Variants in SARS1 observed in about 807,000 individuals in gnomAD.
The protein encoded by SARS1 is seryl-tRNA synthetase 1, also known as serine--tRNA ligase, cytoplasmic.
SARS1 carries 25 observed loss-of-function variants against 63.7 expected under a neutral mutation model. The observed-to-expected ratio is 0.39, with a 90% CI of 0.29 to 0.55. SARS1 has a LOEUF of 0.55. Among genes scored for constraint, SARS1 ranks in the 20% least tolerant of loss-of-function variants. The probability of loss-of-function intolerance (pLI) is 0.62; values close to 1 mark genes in which losing one functional copy is unlikely to be tolerated. For missense variants in SARS1, 417 were observed against 649.7 expected, an observed-to-expected ratio of 0.64 and a Z score of 3.89; for synonymous variants, 231 against 243.5, an observed-to-expected ratio of 0.95 and a Z score of 0.48.
At chr1:109,228,610 C>T (rs1390790283) in intron 3 of SARS1, among the ~76,000 whole-genome samples, 178 bp downstream of exon 3, 1 of 152,066 alleles carries the variant, frequency 6.6e-6, no homozygotes, top group African/African-American at 2.4e-5. Flanking sequence ...TATTAGACAG[C>T]AGAGATGGAG....
In SARS1 at chr1:109,237,723, C is replaced by T. The variant is rs1301711598; in HGVS notation, c.1388-8C>T. 6.2e-7 allele frequency: 1 copy of T among 1,613,370 alleles called. No individual in the cohort carries two copies. The highest frequency in any genetic ancestry group is 8.5e-7 in the Non-Finnish European group (1 of 1,179,694). ...CAACAGGTCATTTGGTTGGCTCTTC[C>T]CTCCCAGGACTGCAAGAACTGATCC... On this transcript the variant is annotated splice_region_variant and splice_polypyrimidine_tract_variant and intron_variant, in intron 10 of 10. Transcript: ENST00000234677. This position sits in a 1 kb window ranked among gnomAD's most constrained non-coding sequence, Gnocchi z 4.1.
chr1:109,214,137 C>T lies in SARS1; in HGVS notation c.136+9C>T, dbSNP rs751475506. On this transcript the variant is annotated intron_variant, in intron 1 of 10. Coordinates refer to ENST00000234677, the MANE Select transcript of SARS1 (RefSeq NM_006513.4). The surrounding 1 kb of genome is among the most constrained non-coding windows in gnomAD (Gnocchi z 4.6). Reference sequence around the variant, plus strand: ...CAGCGAGTGGCGACGATGTAAGTACCGGGACGGGCGGGTTACCTCCTTGAT... The same window carrying T: ...CAGCGAGTGGCGACGATGTAAGTACTGGGACGGGCGGGTTACCTCCTTGAT... 2.5e-6 allele frequency: 4 copies of T among 1,612,602 alleles called. No homozygotes were observed. Among genetic ancestry groups the T allele is most frequent in the African/African-American group, 2.7e-5 (2 of 74,832 alleles).
chr1:109,215,333 TTG>T, intron 1 of SARS1: 1 of 985,452 alleles, frequency 1.0e-6, no homozygotes, highest in Non-Finnish European at 1.2e-6. Flanking sequence ...TATCAGATTT[TTG>T]TGTCAGTCCA....
chr1:109,221,994 ATATATATATATATATATTTTTTTTTTTTT>A (rs1654945251), intron 1 of SARS1, among the ~76,000 whole-genome samples: 9 of 23,520 alleles, frequency 3.8e-4, no homozygotes, highest in South Asian at 2.6e-3. Context: ...ATATATATAT[ATATATATATATATATATTTTTTTTTTTTT>A]TTTTTTTTTT....
upstream of SARS1, chr1:109,213,902 G>A (rs935181688): frequency 1.9e-5 from 28 of 1,455,574 alleles, no homozygotes; most frequent in Non-Finnish European, 2.5e-5. Flanking sequence ...CAGGAAGGGC[G>A]GGTCAGCGCG....
chr1:109,236,209 T>C, intron 8 of SARS1, 103 bp downstream of exon 8: 1 of 1,391,624 alleles, frequency 7.2e-7, no homozygotes, highest in East Asian at 2.3e-5. Context: ...ATTCAACTCA[T>C]TGCCCACATT....
At chr1:109,231,518 C>A in intron 5 of SARS1, 113 bp from the exon 6 acceptor site, 1 of 861,560 alleles carries the variant, frequency 1.2e-6, no homozygotes, top group Non-Finnish European at 1.6e-6. Context: ...TGGCCTCCTG[C>A]TTGCCCCTCG....
At position 109,214,435 on chromosome 1, in the gene SARS1, C is replaced by A. The variant is rs1331939655; in HGVS notation, c.136+307C>A. The stretch of plus-strand genomic sequence containing the variant: ...TGCCCCAGGGGTTGCCAGAACATGC[C>A]GGGGCGGGAGGTTGTGGGGTCTACG... On this transcript the variant is annotated intron_variant, in intron 1 of 10. Coordinates refer to ENST00000234677, the MANE Select transcript of SARS1 (RefSeq NM_006513.4). The surrounding 1 kb of genome is among the most constrained non-coding windows in gnomAD (Gnocchi z 4.6). The A allele has an allele frequency of 2.5e-6, 2 of 797,810 alleles. No individual in the cohort carries two copies. The highest frequency in any genetic ancestry group is 3.3e-6 in the Non-Finnish European group (2 of 610,578). The allele number at this position is 797,810 out of a possible 1,614,324, so 49.4% of individuals were successfully genotyped here. A position where few individuals can be genotyped will look rare whatever the true frequency, so the allele number is the denominator to read the frequency against.
Position 109,214,489 on chromosome 1 carries a change from C to A in SARS1, c.136+361C>A. The A allele has an allele frequency of 1.0e-6, 1 of 1,004,648 alleles. No homozygotes were observed. Among genetic ancestry groups the A allele is most frequent in the Non-Finnish European group, 1.2e-6 (1 of 830,452 alleles). The allele number at this position is 1,004,648 out of a possible 1,614,324, so 62.2% of individuals were successfully genotyped here. A position where few individuals can be genotyped will look rare whatever the true frequency, so the allele number is the denominator to read the frequency against. On this transcript the variant is annotated intron_variant, in intron 1 of 10. Transcript: ENST00000234677. This position sits in a 1 kb window ranked among gnomAD's most constrained non-coding sequence, Gnocchi z 4.6. The stretch of plus-strand genomic sequence containing the variant: ...CTTTCCTAACACGAATCTTTGGTCC[C>A]CCCCAGTCTTTTTCTCATCTTCAGC...
At chr1:109,215,553 T>C in intron 1 of SARS1, 1 of 985,404 alleles carries the variant, frequency 1.0e-6, no homozygotes, top group Non-Finnish European at 1.2e-6. Context: ...CTGTACCTGG[T>C]CCTTGGTAAG....
rs151293865 is a variant in SARS1 at position 109,232,758 on chromosome 1, C to T, written c.747+972C>T. 4.4e-3 allele frequency among the ~76,000 whole-genome samples: 677 copies of T among 152,250 alleles called. 1 individual carries two copies. Among genetic ancestry groups the T allele is most frequent in the Non-Finnish European group, 7.8e-3 (533 of 68,002 alleles). ...CTCGCTAAAACCTGTTTTACCTTTT[C>T]TTTCTTTTTCTAATTTCAACCCCTA... On this transcript the variant is annotated intron_variant, in intron 6 of 10. Transcript: ENST00000234677.
At chr1:109,222,249 T>C (rs1451990336) in intron 1 of SARS1, among the ~76,000 whole-genome samples, 3 of 151,818 alleles carry the variant, frequency 2.0e-5, no homozygotes, top group Non-Finnish European at 1.5e-5. Context: ...TACAGGAAGT[T>C]GGAAAAATAG....
At chr1:109,236,614 A>C in intron 9 of SARS1, 66 bp downstream of exon 9, 1 of 1,565,914 alleles carries the variant, frequency 6.4e-7, no homozygotes, top group Non-Finnish European at 8.7e-7. Context: ...ATTATTTCTC[A>C]GCCTTTGGGG....
In SARS1 at chr1:109,214,197, C is replaced by T; in HGVS notation, c.136+69C>T. On this transcript the variant is annotated intron_variant, in intron 1 of 10. Coordinates refer to ENST00000234677, the MANE Select transcript of SARS1 (RefSeq NM_006513.4). The surrounding 1 kb of genome is among the most constrained non-coding windows in gnomAD (Gnocchi z 4.6). ...AATTTTCTCTCTCAAATCCAGCCAC[C>T]GCTCCTGAGGCCACAGCTTCCACCC... 3.9e-6 allele frequency: 6 copies of T among 1,543,970 alleles called. No homozygotes were observed. The highest frequency in any genetic ancestry group is 5.3e-6 in the Non-Finnish European group (6 of 1,137,914).
chr1:109,215,033 C>T, intron 1 of SARS1: 1 of 985,380 alleles, frequency 1.0e-6, no homozygotes, highest in Non-Finnish European at 1.2e-6. Flanking sequence ...GGAGCTAGGT[C>T]GATGACAGTA....
intron 1 of SARS1, among the ~76,000 whole-genome samples, chr1:109,221,018 A>G (rs1654913867): frequency 6.6e-6 from 1 of 151,770 alleles, no homozygotes; most frequent in Admixed American, 6.6e-5. Flanking sequence ...ATCTGATAGT[A>G]GATACTTACA....
chr1:109,226,679 T>TAA (rs1655088462), intron 2 of SARS1, among the ~76,000 whole-genome samples: 1 of 60,824 alleles, frequency 1.6e-5, no homozygotes, highest in African/African-American at 6.0e-5. Context: ...AAAAAAAAAA[T>TAA]ATATATATAT....
At position 109,223,994 on chromosome 1, in the gene SARS1, C is replaced by T. The variant is rs982999999; in HGVS notation, c.153C>T (p.Asp51=). ...TATTCCTAGGTAGATTTCGGGCAGA[C>T]AACTTGAACAAGCTGAAGAACCTAT... ...SEWRRCRFRA[D]NLNKLKNLCS... The change falls in exon 2 of 11, where the codon GAC becomes GAT. Residue 51 remains aspartate (D), a synonymous_variant. Coordinates refer to ENST00000234677, the MANE Select transcript of SARS1 (RefSeq NM_006513.4). The T allele has an allele frequency of 9.3e-6, 15 of 1,613,150 alleles. No individual in the cohort carries two copies. Among genetic ancestry groups the T allele is most frequent in the Non-Finnish European group, 1.3e-5 (15 of 1,179,284 alleles).
chr1:109,238,057 A>G lies in SARS1; in HGVS notation c.*169A>G, dbSNP rs1655352340. On this transcript the variant is annotated 3_prime_UTR_variant, in exon 11 of 11. Coordinates refer to ENST00000234677, the MANE Select transcript of SARS1 (RefSeq NM_006513.4). ...CACACAGATGTTCCTGTCTCCTCGC[A>G]TGGGCATAGGGACCCATCATTGATG... The G allele has an allele frequency of 4.3e-6, 3 of 703,292 alleles. No homozygotes were observed. The highest frequency in any genetic ancestry group is 1.9e-5 in the South Asian group (1 of 51,848). 43.6% of individuals were successfully genotyped at this position (703,292 alleles called of 1,614,324 possible). A position where few individuals can be genotyped will look rare whatever the true frequency, so the allele number is the denominator to read the frequency against.
Sources: gnomAD v4.1 joint callset for allele counts (sites outside exome capture counted in the v4.1 genomes callset) on GRCh38, gnomAD v4.1.1 for gene constraint, Gnocchi (gnomAD v3.1) non-coding constraint, MANE v1.5 for transcripts, NCBI Gene and HGNC (gene_info 2026-07-23, HGNC 2026-07-21) for gene names.